The following MAP4K4 variants were observed in gnomAD, a reference collection of about 807,000 sequenced individuals.
MAP4K4 encodes the protein HPK/GCK-like kinase HGK.
In MAP4K4, 38 loss-of-function variants were observed where a neutral mutation model predicts 189.6. The observed-to-expected ratio is 0.20, with a 90% CI of 0.15 to 0.26. The LOEUF (loss-of-function observed/expected upper bound fraction) is 0.26. MAP4K4 is among the 10% of genes least tolerant of loss of function. MAP4K4 has a pLI of 1.00. For synonymous variants in MAP4K4, 610 were observed against 624.3 expected (o/e 0.98, Z 0.34); for missense variants, 1,054 against 1,726.9 (o/e 0.61, Z 6.91).
At chr2:101,878,285 C>T (rs1400917517) in intron 27 of MAP4K4, among the ~76,000 whole-genome samples, 5 of 152,040 alleles carry the variant, frequency 3.3e-5, no homozygotes, top group Non-Finnish European at 7.4e-5. Flanking sequence ...ATAATGGCAC[C>T]CAAGTACTAA....
intron 2 of MAP4K4, among the ~76,000 whole-genome samples, chr2:101,764,837 A>G (rs1179752615): frequency 1.3e-5 from 2 of 152,164 alleles, no homozygotes; most frequent in South Asian, 2.1e-4. Context: ...TTGTTTATAA[A>G]CATATCCCTT....
At chr2:101,809,796 C>G (rs563548798) in intron 3 of MAP4K4, among the ~76,000 whole-genome samples, 1 of 152,342 alleles carries the variant, frequency 6.6e-6, no homozygotes, top group East Asian at 1.9e-4. Flanking sequence ...GACATTGTGT[C>G]TGTGGTTGAT....
intron 3 of MAP4K4, among the ~76,000 whole-genome samples, chr2:101,815,811 G>A (rs555924702): frequency 6.6e-6 from 1 of 152,084 alleles, no homozygotes; most frequent in Non-Finnish European, 1.5e-5. Context: ...TCTAGCCAAC[G>A]GCAGGAGGCA....
chr2:101,859,699 G>T lies in MAP4K4; in HGVS notation c.1539G>T (p.Gln513His), dbSNP rs763610307. ...GGCAGGCAGAGAGGCTCCAGAGGCAGTTGCAACAAGAACAAGCATATCTCC... is the reference window on the plus strand; with the variant it reads ...GGCAGGCAGAGAGGCTCCAGAGGCATTTGCAACAAGAACAAGCATATCTCC... Residue 513 changes from glutamine (Q) to histidine (H), a missense_variant, in exon 15 of 33, where the codon CAG (glutamine) becomes CAT (histidine). By Grantham distance (24) the Gln-to-His change is conservative. Transcript: ENST00000324219. 6.2e-6 allele frequency: 10 copies of T among 1,612,318 alleles called. No individual in the cohort carries two copies. The African/African-American group carries it at 1.1e-4, about 17-fold the overall frequency.
At chr2:101,870,325 G>A (rs375919798) in exon 23 of MAP4K4, 19 of 1,612,946 alleles carry the variant, frequency 1.2e-5, no homozygotes, top group Admixed American at 1.0e-4. Flanking sequence ...ATGGTGAAAC[G>A]GAATCTGTGA....
intron 2 of MAP4K4, among the ~76,000 whole-genome samples, chr2:101,723,234 G>A (rs2053265595): frequency 6.6e-6 from 1 of 152,166 alleles, no homozygotes; most frequent in African/African-American, 2.4e-5. Context: ...TGAGGTTTTG[G>A]ATGGGGACAC....
In MAP4K4 at chr2:101,873,632, A is replaced by G; in HGVS notation, c.2953-15A>G. On this transcript the variant is annotated splice_polypyrimidine_tract_variant and intron_variant, in intron 24 of 32. Transcript: ENST00000324219. ...AATGCCAGTTGTATTAATAACATTG[A>G]AATTTACATTGCAGACTCAGTCCGC... 1 of 1,381,894 alleles carries G rather than the reference A, an allele frequency of 7.2e-7. No homozygotes were observed. The highest frequency in any genetic ancestry group is 1.0e-6 in the Non-Finnish European group (1 of 972,434). The allele number at this position is 1,381,894 out of a possible 1,614,324, so 85.6% of individuals were successfully genotyped here. A position where few individuals can be genotyped will look rare whatever the true frequency, so the allele number is the denominator to read the frequency against.
At chr2:101,893,843 C>T (rs2098598158) in exon 33 of MAP4K4, 1 of 152,826 alleles carries the variant, frequency 6.5e-6, no homozygotes, top group South Asian at 2.1e-4. Context: ...CAGCTCCAGG[C>T]ACCCGGTGGG....
exon 24 of MAP4K4, chr2:101,871,676 T>G (rs574953000): frequency 6.5e-7 from 1 of 1,536,570 alleles, no homozygotes; most frequent in East Asian, 2.4e-5. Context: ...ACAAGCTCAC[T>G]GCTAATGAGG....
chr2:101,879,231 A>G (rs774089318), intron 27 of MAP4K4, among the ~76,000 whole-genome samples: 2 of 148,948 alleles, frequency 1.3e-5, no homozygotes, highest in Non-Finnish European at 3.0e-5. Context: ...TAATAATTAT[A>G]ATCAGCTGAT....
rs114023794 is a variant in MAP4K4, at chr2:101,834,798, C to T, written c.694+335C>T. 3.7e-3 allele frequency among the ~76,000 whole-genome samples: 563 copies of T among 152,264 alleles called. 4 individuals are homozygous for T. The highest frequency in any genetic ancestry group is 6.3e-3 in the Non-Finnish European group (427 of 68,022). On this transcript the variant is annotated intron_variant, in intron 8 of 32. Transcript: ENST00000324219. The stretch of plus-strand genomic sequence containing the variant: ...AATTGAGTAATTCAGTGAAACTAGT[C>T]CTAACACATGAAATTTTAGTATTAA...
Position 101,825,535 on chromosome 2 carries a change from T to C in MAP4K4, c.417+106T>C. 6 of 598,860 alleles carry C rather than the reference T, an allele frequency of 1.0e-5. No homozygotes were observed. In the South Asian group the frequency reaches 1.4e-4, roughly 14 times the overall value. The allele number at this position is 598,860 out of a possible 1,614,324, so 37.1% of individuals were successfully genotyped here. ...TTGCATTACTTATATCTATATAGAT[T>C]ATTCTCTTTGACAGCCAAGGGTTCT... On this transcript the variant is annotated intron_variant, in intron 5 of 32. Coordinates refer to ENST00000324219, the Ensembl canonical transcript of MAP4K4.
intron 13 of MAP4K4, among the ~76,000 whole-genome samples, chr2:101,856,344 T>G (rs893431893): frequency 6.6e-6 from 1 of 152,230 alleles, no homozygotes; most frequent in Non-Finnish European, 1.5e-5. Context: ...AAAAAGGGTT[T>G]ATAAATCATT....
At chr2:101,886,028 G>A (rs368743757) in intron 29 of MAP4K4, among the ~76,000 whole-genome samples, 1 of 152,088 alleles carries the variant, frequency 6.6e-6, no homozygotes, top group Non-Finnish European at 1.5e-5. Context: ...TGCAAAATTT[G>A]TGTTTTTGGA....
chr2:101,871,534 A>G (rs1303218009), exon 24 of MAP4K4: 4 of 1,536,036 alleles, frequency 2.6e-6, no homozygotes, highest in East Asian at 2.4e-5. Flanking sequence ...CATGAGAGCA[A>G]TGGCTTTGCC....
rs1257606895 is a variant in MAP4K4 at position 101,867,330 on chromosome 2, G to A, written c.2454+21G>A. The A allele has an allele frequency of 3.2e-6, 5 of 1,562,188 alleles. No individual in the cohort carries two copies. The African/African-American group carries it at 5.4e-5, about 17-fold the overall frequency. On this transcript the variant is annotated intron_variant, in intron 20 of 32. Coordinates refer to ENST00000324219, the Ensembl canonical transcript of MAP4K4. ...CTGCTGTAAGGATTGTGCAGGATCA[G>A]TTTTACTTATTTCAGACTTGAATGA...
intron 2 of MAP4K4, among the ~76,000 whole-genome samples, chr2:101,710,062 A>G (rs1313186901): frequency 6.6e-6 from 1 of 152,122 alleles, no homozygotes; most frequent in Non-Finnish European, 1.5e-5. Flanking sequence ...CTTTATGTGT[A>G]ATTGGTGTGT....
rs1305421350 is a variant in MAP4K4, at chr2:101,760,436, C to T, written c.124-30284C>T. 2.0e-5 allele frequency among the ~76,000 whole-genome samples: 3 copies of T among 147,944 alleles called. No homozygotes were observed. In the Admixed American group the frequency reaches 2.0e-4, roughly 10 times the overall value. On this transcript the variant is annotated intron_variant, in intron 2 of 32. Coordinates refer to ENST00000324219, the Ensembl canonical transcript of MAP4K4. ...CCTGGGAGGCAGAGGTTGTAGTGAGCTGAGATTGTGCCACTGCACTCCAGC... is the reference window on the plus strand; with the variant it reads ...CCTGGGAGGCAGAGGTTGTAGTGAGTTGAGATTGTGCCACTGCACTCCAGC...
chr2:101,833,426 C>A (rs565488965), intron 7 of MAP4K4, among the ~76,000 whole-genome samples: 190 of 152,208 alleles, frequency 1.2e-3, no homozygotes, highest in South Asian at 2.3e-3. Flanking sequence ...CGAGACCATC[C>A]TGGCTAACCC....
Sources: gnomAD v4.1 joint callset for allele counts (sites outside exome capture counted in the v4.1 genomes callset) on GRCh38, gnomAD v4.1.1 for gene constraint, MANE v1.5 for transcripts, NCBI Gene and HGNC (gene_info 2026-07-23, HGNC 2026-07-21) for gene names.